LAMB4: variants seen among roughly 807,000 people sequenced by gnomAD.
LAMB4 encodes the protein laminin subunit beta 4.
LAMB4 carries 196 observed loss-of-function variants against 199.2 expected under a neutral mutation model. The observed-to-expected ratio is 0.98, with a 90% confidence interval of 0.88 to 1.11. LAMB4 has a LOEUF of 1.11. Ranked by LOEUF, LAMB4 falls within the 50% of genes least tolerant of loss-of-function variation. LAMB4 has a pLI of 0.00. For synonymous variants in LAMB4, 744 were observed against 770.6 expected, an observed-to-expected ratio of 0.97 and a Z score of 0.57; for missense variants, 2,080 against 2,171.2, an observed-to-expected ratio of 0.96 and a Z score of 0.83.
chr7:108,056,293 G>A (rs2035983766), intron 24 of LAMB4, among the ~76,000 whole-genome samples: 1 of 152,138 alleles, frequency 6.6e-6, no homozygotes, highest in Admixed American at 6.5e-5. Flanking sequence ...ATCTATTTGA[G>A]TAAGAAGTAT....
In LAMB4 at chr7:108,042,283, G is replaced by A. The variant is rs150516690; in HGVS notation, c.4471+1469C>T. Reference sequence around the variant, plus strand: ...CCTAGTTGTAATGATAGTTCTTTATGCCTTTAGTTTTAATAATCTGGACAT... The same window carrying A: ...CCTAGTTGTAATGATAGTTCTTTATACCTTTAGTTTTAATAATCTGGACAT... On this transcript the variant is annotated intron_variant, in intron 29 of 33. Transcript: ENST00000388781. Among the ~76,000 whole-genome samples the A allele has an allele frequency of 8.5e-3, 1,293 of 152,102 alleles. 9 individuals are homozygous for A. The highest frequency in any genetic ancestry group is 0.025 in the South Asian group (122 of 4,806).
chr7:108,104,437 GT>G (rs2037926965), intron 9 of LAMB4, 61 bp downstream of exon 9: 1 of 1,597,122 alleles, frequency 6.3e-7, no homozygotes. Flanking sequence ...TGAACGAAGT[GT>G]TTCTTAAATA....
chr7:108,121,648 G>A (rs1481732829), intron 2 of LAMB4, among the ~76,000 whole-genome samples: 4 of 151,952 alleles, frequency 2.6e-5, no homozygotes, highest in Non-Finnish European at 1.5e-5. Context: ...TACTCGGGAG[G>A]CTGAGGCAGG....
In LAMB4 at chr7:108,077,395, C is replaced by CA. The variant is rs5886438; in HGVS notation, c.2004-332dup. Among the ~76,000 whole-genome samples, 491 of 150,682 alleles carry CA rather than the reference C, an allele frequency of 3.3e-3. 1 individual carries two copies. The highest frequency in any genetic ancestry group is 7.4e-3 in the South Asian group (35 of 4,744). On this transcript the variant is annotated intron_variant, in intron 16 of 33. Coordinates refer to ENST00000388781, the MANE Select transcript of LAMB4 (RefSeq NM_007356.3). ...ACATCAACAGGATCTCAAAAAATCT[C>CA]AAAAAAAAAATTTTTGCGGCAGGGC...
chr7:108,122,326 G>C (rs2038630038), intron 2 of LAMB4, among the ~76,000 whole-genome samples: 1 of 152,196 alleles, frequency 6.6e-6, no homozygotes, highest in African/African-American at 2.4e-5. Context: ...CCTGGGATGT[G>C]GAGGATGAAC....
chr7:108,079,575 A>G (rs1337766728), intron 15 of LAMB4, 26 bp downstream of exon 15: 1 of 1,557,366 alleles, frequency 6.4e-7, no homozygotes. Flanking sequence ...GCTTTTCACC[A>G]CCAAAGTTGG....
chr7:108,125,151 C>T (rs2038732509), intron 1 of LAMB4, among the ~76,000 whole-genome samples: 1 of 152,118 alleles, frequency 6.6e-6, no homozygotes, highest in African/African-American at 2.4e-5. Flanking sequence ...CATACAAAAC[C>T]TTGTGAAGAC....
intron 9 of LAMB4, 132 bp downstream of exon 9, chr7:108,104,367 T>TCA (rs1442652138): frequency 2.2e-5 from 21 of 966,678 alleles, no homozygotes; most frequent in Non-Finnish European, 3.2e-5. Context: ...CACTGGGATA[T>TCA]CACACTATAG....
At chr7:108,031,331 C>CAAAAAAAAAAAAAAAAAAAAA (rs60572529) in intron 31 of LAMB4, among the ~76,000 whole-genome samples, 2 of 14,930 alleles carry the variant, frequency 1.3e-4, no homozygotes, top group East Asian at 1.6e-3. Context: ...TCAACAATAA[C>CAAAAAAAAAAAAAAAAAAAAA]AAAAAAAAAA....
intron 30 of LAMB4, among the ~76,000 whole-genome samples, chr7:108,034,641 A>G (rs1311876094): frequency 1.3e-5 from 2 of 152,218 alleles, no homozygotes; most frequent in Non-Finnish European, 2.9e-5. Context: ...CTTTGCACAT[A>G]AAAACTATCC....
chr7:108,057,366 G>C (rs889243546), intron 24 of LAMB4, among the ~76,000 whole-genome samples: 3 of 152,166 alleles, frequency 2.0e-5, no homozygotes, highest in African/African-American at 7.2e-5. Context: ...AACTGAATAA[G>C]TGGGGCCCAG....
intron 17 of LAMB4, among the ~76,000 whole-genome samples, chr7:108,074,164 C>T (rs1437592608): frequency 6.6e-6 from 1 of 152,078 alleles, no homozygotes; most frequent in Non-Finnish European, 1.5e-5. Context: ...AGGAACACAC[C>T]CTCAATAAAT....
chr7:108,026,329 T>G (rs527513160), intron 33 of LAMB4, among the ~76,000 whole-genome samples: 12 of 152,336 alleles, frequency 7.9e-5, no homozygotes, highest in African/African-American at 2.6e-4. Flanking sequence ...GCGGAAGAAC[T>G]GATGTTGCAA....
Position 108,104,521 on chromosome 7 carries a change from G to A in LAMB4, c.969C>T (p.Asp323=). The A allele has an allele frequency of 6.2e-7, 1 of 1,614,204 alleles. No individual in the cohort carries two copies. Among genetic ancestry groups the A allele is most frequent in the Non-Finnish European group, 8.5e-7 (1 of 1,180,036 alleles). The part of the protein sequence containing the change: ...FQDAPWRPAA[D]LQDNACRSCS... ...CACATCTGCAAGCGTTGTCCTGGAG[G>A]TCTGCAGCTGGCCTCCAAGGAGCAT... The change falls in exon 9 of 34, where the codon GAC becomes GAT. Residue 323 remains aspartate, a synonymous_variant. Transcript: ENST00000388781.
At position 108,100,806 on chromosome 7, in the gene LAMB4, G is replaced by A. The variant is rs926457872; in HGVS notation, c.1181-2224C>T. On this transcript the variant is annotated intron_variant, in intron 10 of 33. Coordinates refer to ENST00000388781, the MANE Select transcript of LAMB4 (RefSeq NM_007356.3). The stretch of plus-strand genomic sequence containing the variant: ...AAAGTTATGTGTGTGCATGATTACA[G>A]ATTGTGGTAAAAACTGTGTGGTAGG... Among the ~76,000 whole-genome samples the A allele has an allele frequency of 2.6e-5, 4 of 152,300 alleles. No homozygotes were observed. In the East Asian group the frequency reaches 5.8e-4, roughly 22 times the overall value.
intron 4 of LAMB4, among the ~76,000 whole-genome samples, chr7:108,109,908 A>T (rs1438790002): frequency 2.0e-5 from 3 of 152,082 alleles, no homozygotes; most frequent in Non-Finnish European, 4.4e-5. Flanking sequence ...AATATGAGAC[A>T]TGTGTGTAAT....
intron 30 of LAMB4, 131 bp from the exon 31 acceptor site, chr7:108,034,477 A>C: frequency 1.4e-6 from 1 of 714,750 alleles, no homozygotes; most frequent in Non-Finnish European, 2.3e-6. Flanking sequence ...ACTCTTAAAC[A>C]AGAGAAAGTG....
intron 8 of LAMB4, 142 bp from the exon 9 acceptor site, chr7:108,104,761 A>G: frequency 1.6e-5 from 14 of 851,470 alleles, no homozygotes; most frequent in Non-Finnish European, 2.4e-5. Context: ...ACCAACCTTG[A>G]TTATCTTCTA....
intron 1 of LAMB4, among the ~76,000 whole-genome samples, chr7:108,129,974 T>A (rs76804527): frequency 0.014 from 2,112 of 152,352 alleles, 35 homozygotes; most frequent in Non-Finnish European, 0.022. Context: ...TTTATAACCA[T>A]AACAAAAACA....
Sources: allele counts gnomAD v4.1 joint callset (sites outside exome capture counted in the v4.1 genomes callset), GRCh38; gene constraint gnomAD v4.1.1; transcripts MANE v1.5; gene names NCBI Gene and HGNC (gene_info 2026-07-23, HGNC 2026-07-21).